The following OXR1 variants were observed in gnomAD, a reference collection of about 807,000 sequenced individuals.
The protein encoded by OXR1 is oxidation resistance 1, also known as oxidation resistance protein 1.
In OXR1, 41 loss-of-function variants were observed where a neutral mutation model predicts 104.6. The observed-to-expected ratio is 0.39, with a 90% CI of 0.31 to 0.51. The LOEUF (loss-of-function observed/expected upper bound fraction) is 0.51, where lower values mean the gene tolerates loss of function less well. OXR1 is among the 20% of genes least tolerant of loss of function. OXR1 has a pLI of 0.77. For missense variants in OXR1, 955 were observed against 1,031.9 expected (o/e 0.93, Z 1.02); for synonymous variants, 348 against 348.4 (o/e 1.00, Z 0.01).
At chr8:106,441,132 A>T (rs1819764219) in intron 2 of OXR1, among the ~76,000 whole-genome samples, 1 of 152,182 alleles carries the variant, frequency 6.6e-6, no homozygotes, top group African/African-American at 2.4e-5. Context: ...AGTTTTCTGC[A>T]TATGGCTAGC....
At position 106,751,090 on chromosome 8, in the gene OXR1, A is replaced by G; in HGVS notation, c.*149A>G. 1 of 575,268 alleles carries G rather than the reference A, an allele frequency of 1.7e-6. No individual in the cohort carries two copies. The highest frequency in any genetic ancestry group is 2.9e-6 in the Non-Finnish European group (1 of 349,248). The allele number at this position is 575,268 out of a possible 1,614,324, so 35.6% of individuals were successfully genotyped here. ...CCATTTATTACAGTTATAATTTTGG[A>G]GTTTATTTTTCAAATCATGTTCTTG... On this transcript the variant is annotated 3_prime_UTR_variant, in exon 17 of 17. Transcript: ENST00000517566.
intron 2 of OXR1, among the ~76,000 whole-genome samples, chr8:106,399,935 T>C (rs907649756): frequency 6.6e-6 from 1 of 152,314 alleles, no homozygotes; most frequent in African/African-American, 2.4e-5. Context: ...TCAAGAATCC[T>C]TGTTTCTGAT....
chr8:106,410,326 A>G (rs1483698224), intron 2 of OXR1, among the ~76,000 whole-genome samples: 2 of 152,166 alleles, frequency 1.3e-5, no homozygotes, highest in African/African-American at 4.8e-5. Flanking sequence ...CTTGGAAGCT[A>G]ACACTCCTGT....
intron 3 of OXR1, among the ~76,000 whole-genome samples, chr8:106,526,669 A>G (rs1813697875): frequency 6.6e-6 from 1 of 151,980 alleles, no homozygotes. Context: ...CAGCCTCCCG[A>G]GTAGCTGGGA....
At chr8:106,620,131 C>T (rs1322531052) in intron 3 of OXR1, among the ~76,000 whole-genome samples, 1 of 152,166 alleles carries the variant, frequency 6.6e-6, no homozygotes, top group Non-Finnish European at 1.5e-5. Flanking sequence ...TCCATAGGCA[C>T]TTAATAAGTG....
chr8:106,308,238 A>G lies in OXR1; in HGVS notation c.-139+37871A>G, dbSNP rs143792090. ...TGAGAACTAAAGGCACTAATGTCCC[A>G]GGTTGTCAGAATTTCCATCTCAAGG... On this transcript the variant is annotated intron_variant, in intron 1 of 16. Coordinates refer to ENST00000517566, the MANE Select transcript of OXR1 (RefSeq NM_001198533.2). Among the ~76,000 whole-genome samples, 80 of 152,274 alleles carry G rather than the reference A, an allele frequency of 5.3e-4. 1 individual carries two copies. In the East Asian group the frequency reaches 0.015, roughly 28 times the overall value.
At chr8:106,345,712 T>A (rs1156243949) in intron 1 of OXR1, among the ~76,000 whole-genome samples, 2 of 152,204 alleles carry the variant, frequency 1.3e-5, no homozygotes, top group Non-Finnish European at 2.9e-5. Flanking sequence ...AAACATACGT[T>A]TGATCATGCA....
intron 1 of OXR1, among the ~76,000 whole-genome samples, chr8:106,302,607 C>A (rs551800072): frequency 1.3e-4 from 20 of 149,404 alleles, no homozygotes; most frequent in African/African-American, 4.0e-4. Context: ...AAACAAGAAT[C>A]GTTTAGACAT....
chr8:106,310,216 A>G (rs1267165634), intron 1 of OXR1, among the ~76,000 whole-genome samples: 1 of 142,464 alleles, frequency 7.0e-6, no homozygotes, highest in Non-Finnish European at 1.5e-5. Flanking sequence ...AATAATTGGT[A>G]CAGTTCCTGT....
At chr8:106,313,108 A>AT (rs898191478) in intron 1 of OXR1, among the ~76,000 whole-genome samples, 7 of 151,374 alleles carry the variant, frequency 4.6e-5, no homozygotes, top group Middle Eastern at 3.4e-3. Flanking sequence ...GTCATTTCTT[A>AT]TTTTTTTTTA....
In OXR1 at chr8:106,571,572, A is replaced by T. The variant is rs1316969567; in HGVS notation, c.220+52433A>T. On this transcript the variant is annotated intron_variant, in intron 3 of 16. Transcript: ENST00000517566. The stretch of plus-strand genomic sequence containing the variant: ...TTCCTCCCCTGACCTTCCAAAATTC[A>T]TGTCCTTCTTGCATGCAAAATATAT... 2.0e-5 allele frequency among the ~76,000 whole-genome samples: 3 copies of T among 152,152 alleles called. No homozygotes were observed. The South Asian group carries it at 6.2e-4, about 32-fold the overall frequency.
At chr8:106,736,168 C>A (rs929158028) in intron 11 of OXR1, among the ~76,000 whole-genome samples, 1 of 150,312 alleles carries the variant, frequency 6.7e-6, no homozygotes, top group Non-Finnish European at 1.5e-5. Flanking sequence ...ATCTGACACC[C>A]CCCCCCATCC....
chr8:106,445,587 A>G (rs1218860569), intron 2 of OXR1, among the ~76,000 whole-genome samples: 1 of 152,136 alleles, frequency 6.6e-6, no homozygotes, highest in Non-Finnish European at 1.5e-5. Flanking sequence ...CATCATTTTT[A>G]CCATCATTTC....
intron 3 of OXR1, among the ~76,000 whole-genome samples, chr8:106,585,601 G>A (rs912607413): frequency 6.6e-6 from 1 of 152,246 alleles, no homozygotes; most frequent in Middle Eastern, 3.4e-3. Flanking sequence ...GAACATGAAT[G>A]TAGGGCATGA....
intron 3 of OXR1, among the ~76,000 whole-genome samples, chr8:106,643,339 A>T (rs1426432568): frequency 6.6e-6 from 1 of 152,206 alleles, no homozygotes; most frequent in Non-Finnish European, 1.5e-5. Context: ...CCAAATTTAT[A>T]AAAACAGATG....
intron 3 of OXR1, among the ~76,000 whole-genome samples, chr8:106,638,133 A>C (rs905339540): frequency 2.0e-5 from 3 of 152,156 alleles, no homozygotes; most frequent in African/African-American, 7.2e-5. Flanking sequence ...CCCTCCTGCC[A>C]AGAAAAAGAA....
intron 2 of OXR1, among the ~76,000 whole-genome samples, chr8:106,511,610 T>C (rs1046078735): frequency 1.3e-5 from 2 of 152,230 alleles, no homozygotes; most frequent in Admixed American, 1.3e-4. Context: ...AAAGTGAGAA[T>C]GTGTATAGCT....
At position 106,464,518 on chromosome 8, in the gene OXR1, G is replaced by A. The variant is rs113960060; in HGVS notation, c.24-54425G>A. ...CTATTCATTTCCTGACTTCTATTATGGTATTTTTTTTTCTCTTCCTCCTTG... is the reference window on the plus strand; with the variant it reads ...CTATTCATTTCCTGACTTCTATTATAGTATTTTTTTTTCTCTTCCTCCTTG... On this transcript the variant is annotated intron_variant, in intron 2 of 16. Transcript: ENST00000517566. Among the ~76,000 whole-genome samples the A allele has an allele frequency of 4.1e-3, 627 of 152,030 alleles. 1 individual carries two copies. Among genetic ancestry groups the A allele is most frequent in the African/African-American group, 0.014 (580 of 41,486 alleles).
chr8:106,339,568 C>G (rs1815155182), intron 1 of OXR1, among the ~76,000 whole-genome samples: 1 of 83,716 alleles, frequency 1.2e-5, no homozygotes, highest in African/African-American at 4.4e-5. Flanking sequence ...AACGAAATCA[C>G]AGATAAAATA....
Sources: allele counts gnomAD v4.1 joint callset (sites outside exome capture counted in the v4.1 genomes callset), GRCh38; gene constraint gnomAD v4.1.1; transcripts MANE v1.5; gene names NCBI Gene and HGNC (gene_info 2026-07-23, HGNC 2026-07-21).